The following NKAIN2 variants were observed in gnomAD, a reference collection of about 807,000 sequenced individuals.
NKAIN2 encodes sodium/potassium transporting ATPase interacting 2.
In NKAIN2, 14 loss-of-function variants were observed where a neutral mutation model predicts 32.6. That is an observed-to-expected ratio of 0.43 (90% CI 0.28 to 0.67). The LOEUF is 0.67. Ranked by LOEUF, NKAIN2 falls within the 30% of genes least tolerant of loss-of-function variation. The probability of loss-of-function intolerance (pLI) is 0.17; values close to 1 mark genes in which losing one functional copy is unlikely to be tolerated. For missense variants in NKAIN2, 198 were observed against 258.3 expected, an observed-to-expected ratio of 0.77 and a Z score of 1.60; for synonymous variants, 80 against 87.2, an observed-to-expected ratio of 0.92 and a Z score of 0.46.
At chr6:124,649,695 CA>C (rs1784298345) in intron 3 of NKAIN2, among the ~76,000 whole-genome samples, 1 of 152,078 alleles carries the variant, frequency 6.6e-6, no homozygotes, top group Non-Finnish European at 1.5e-5. Flanking sequence ...CCCTCATGAA[CA>C]CAGATGCAAA....
At chr6:124,711,817 C>T (rs1461801121) in intron 4 of NKAIN2, among the ~76,000 whole-genome samples, 2 of 152,198 alleles carry the variant, frequency 1.3e-5, no homozygotes, top group African/African-American at 4.8e-5. Context: ...CTTCTCTCAG[C>T]TCGTCAAAGT....
At chr6:123,949,809 G>A (rs918737137) in intron 1 of NKAIN2, among the ~76,000 whole-genome samples, 1 of 151,780 alleles carries the variant, frequency 6.6e-6, no homozygotes, top group African/African-American at 2.4e-5. Flanking sequence ...TTGCTTGATT[G>A]CTCCAGCCAG....
intron 1 of NKAIN2, among the ~76,000 whole-genome samples, chr6:124,277,451 GTGTGTGTATC>G (rs1562466260): frequency 6.7e-6 from 1 of 148,864 alleles, no homozygotes; most frequent in Non-Finnish European, 1.5e-5. Flanking sequence ...GTGTGTGTGT[GTGTGTGTATC>G]TGTGTGTGTG....
intron 5 of NKAIN2, among the ~76,000 whole-genome samples, chr6:124,798,654 G>A (rs965004193): frequency 1.3e-5 from 2 of 152,112 alleles, no homozygotes; most frequent in East Asian, 1.9e-4. Context: ...ATTTAATATC[G>A]ATTTGTTCTG....
chr6:124,395,355 T>C (rs1241379482), intron 3 of NKAIN2, among the ~76,000 whole-genome samples: 3 of 152,180 alleles, frequency 2.0e-5, no homozygotes, highest in Non-Finnish European at 4.4e-5. Context: ...TACTGAAAAT[T>C]ATTCCTGTTA....
intron 1 of NKAIN2, among the ~76,000 whole-genome samples, chr6:124,231,352 G>A (rs1288292906): frequency 2.6e-5 from 4 of 152,186 alleles, no homozygotes; most frequent in Non-Finnish European, 5.9e-5. Flanking sequence ...ACTTTAGACT[G>A]TCAACTTTTG....
intron 3 of NKAIN2, among the ~76,000 whole-genome samples, chr6:124,520,484 A>G (rs988457654): frequency 2.0e-5 from 3 of 152,158 alleles, no homozygotes; most frequent in Non-Finnish European, 4.4e-5. Flanking sequence ...AACATTGAGG[A>G]ATTTATTTCA....
At chr6:124,049,412 T>A (rs889399019) in intron 1 of NKAIN2, among the ~76,000 whole-genome samples, 1 of 152,102 alleles carries the variant, frequency 6.6e-6, no homozygotes, top group Non-Finnish European at 1.5e-5. Flanking sequence ...CTCTTCCAGA[T>A]GTTTAGAGCT....
chr6:124,327,764 A>G lies in NKAIN2; in HGVS notation c.193-27503A>G, dbSNP rs150724998. Among the ~76,000 whole-genome samples the G allele has an allele frequency of 1.3e-3, 192 of 152,282 alleles. 1 individual carries two copies. The highest frequency in any genetic ancestry group is 4.4e-3 in the African/African-American group (184 of 41,560). On this transcript the variant is annotated intron_variant, in intron 2 of 6. Coordinates refer to ENST00000368417, the MANE Select transcript of NKAIN2 (RefSeq NM_001040214.3). ...ATAGAGGTATAAAGTGGTTGAAATA[A>G]ATTAAAGACCTTGGGAAATAGCAAT...
chr6:124,028,593 G>A (rs1781225909), intron 1 of NKAIN2, among the ~76,000 whole-genome samples: 2 of 151,128 alleles, frequency 1.3e-5, no homozygotes, highest in Non-Finnish European at 1.5e-5. Flanking sequence ...TCTCTTAGTG[G>A]CAATATAACG....
chr6:123,827,883 C>G (rs974194827), intron 1 of NKAIN2, among the ~76,000 whole-genome samples: 2 of 151,124 alleles, frequency 1.3e-5, no homozygotes, highest in Non-Finnish European at 2.9e-5. Flanking sequence ...GTTCCTCTCT[C>G]TCTCTCTCTC....
At chr6:124,044,689 G>A (rs538086924) in intron 1 of NKAIN2, among the ~76,000 whole-genome samples, 53 of 152,094 alleles carry the variant, frequency 3.5e-4, no homozygotes, top group Non-Finnish European at 6.2e-4. Context: ...AAGGCCATTC[G>A]CCTAGACAGA....
At chr6:124,447,038 G>T (rs1408944192) in intron 3 of NKAIN2, among the ~76,000 whole-genome samples, 1 of 152,042 alleles carries the variant, frequency 6.6e-6, no homozygotes, top group African/African-American at 2.4e-5. Flanking sequence ...TACCCTGGAT[G>T]GCTTTTTTCT....
chr6:124,699,189 T>G (rs1774644225), intron 4 of NKAIN2, among the ~76,000 whole-genome samples: 1 of 152,166 alleles, frequency 6.6e-6, no homozygotes, highest in African/African-American at 2.4e-5. Context: ...AGTCACATGA[T>G]GTCTGGGCCT....
intron 2 of NKAIN2, among the ~76,000 whole-genome samples, chr6:124,299,351 A>G (rs943985411): frequency 6.6e-6 from 1 of 152,198 alleles, no homozygotes; most frequent in African/African-American, 2.4e-5. Context: ...GGAGACTGAA[A>G]CTGATAGAAA....
chr6:124,447,375 A>G (rs1302043926), intron 3 of NKAIN2, among the ~76,000 whole-genome samples: 4 of 152,160 alleles, frequency 2.6e-5, no homozygotes, highest in Non-Finnish European at 5.9e-5. Flanking sequence ...TAAGGTTAAA[A>G]TATATTTAAG....
In NKAIN2 at chr6:124,324,588, G is replaced by C. The variant is rs140124084; in HGVS notation, c.193-30679G>C. On this transcript the variant is annotated intron_variant, in intron 2 of 6. Coordinates refer to ENST00000368417, the MANE Select transcript of NKAIN2 (RefSeq NM_001040214.3). ...TTTTCTTGCATGATTGTGCTGGCTAGAAATTCTAGTACTGTGTTTAATAGG... is the reference window on the plus strand; with the variant it reads ...TTTTCTTGCATGATTGTGCTGGCTACAAATTCTAGTACTGTGTTTAATAGG... 3.2e-3 allele frequency among the ~76,000 whole-genome samples: 491 copies of C among 152,180 alleles called. 1 individual carries two copies. Among genetic ancestry groups the C allele is most frequent in the African/African-American group, 0.01 (430 of 41,552 alleles).
chr6:123,930,561 A>G (rs1432891364), intron 1 of NKAIN2, among the ~76,000 whole-genome samples: 1 of 152,204 alleles, frequency 6.6e-6, no homozygotes, highest in Non-Finnish European at 1.5e-5. Context: ...TGAAGTATGT[A>G]TTTTGAATTC....
intron 2 of NKAIN2, among the ~76,000 whole-genome samples, chr6:124,343,347 G>C (rs1397186479): frequency 6.6e-6 from 1 of 151,334 alleles, no homozygotes; most frequent in Non-Finnish European, 1.5e-5. Flanking sequence ...TATATACCCA[G>C]TAATGGGATG....
Sources: gnomAD v4.1 joint callset for allele counts (sites outside exome capture counted in the v4.1 genomes callset) on GRCh38, gnomAD v4.1.1 for gene constraint, MANE v1.5 for transcripts, NCBI Gene and HGNC (gene_info 2026-07-23, HGNC 2026-07-21) for gene names.